Variants in SCHIP1 observed in about 807,000 individuals in gnomAD.
SCHIP1 encodes the protein schwannomin interacting protein 1.
In SCHIP1, 8 loss-of-function variants were observed where a neutral mutation model predicts 29.7. The observed-to-expected ratio is 0.27, with a 90% CI of 0.16 to 0.49. SCHIP1 has a LOEUF of 0.49. Ranked by LOEUF, SCHIP1 falls within the 20% of genes least tolerant of loss-of-function variation. The pLI is 0.99. For missense variants in SCHIP1, 193 were observed against 294.6 expected, an observed-to-expected ratio of 0.66 and a Z score of 2.52; for synonymous variants, 76 against 94.9, an observed-to-expected ratio of 0.80 and a Z score of 1.16.
the SCHIP1 span, among the ~76,000 whole-genome samples, chr3:159,806,609 T>TG: frequency 6.6e-6 from 1 of 152,194 alleles, no homozygotes; most frequent in Non-Finnish European, 1.5e-5. Flanking sequence ...CAGAGAGGAT[T>TG]TCTCAATCTG....
chr3:159,425,455 A>T, the SCHIP1 span, among the ~76,000 whole-genome samples: 7 of 152,018 alleles, frequency 4.6e-5, no homozygotes, highest in Admixed American at 6.6e-5. Flanking sequence ...AGGCCATTAC[A>T]TAATGGTAAA....
At chr3:159,751,599 C>A in the SCHIP1 span, among the ~76,000 whole-genome samples, 1 of 150,424 alleles carries the variant, frequency 6.6e-6, no homozygotes, top group South Asian at 2.1e-4. Context: ...GGCTGGAGTG[C>A]AGTGGCAGGA....
chr3:159,281,274 G>A, the SCHIP1 span, among the ~76,000 whole-genome samples: 1 of 152,248 alleles, frequency 6.6e-6, no homozygotes, highest in Middle Eastern at 3.4e-3. Context: ...GCTAGAATCT[G>A]GGGAAACATT....
the SCHIP1 span, among the ~76,000 whole-genome samples, chr3:159,426,496 T>C: frequency 6.6e-6 from 1 of 152,314 alleles, no homozygotes; most frequent in East Asian, 1.9e-4. Context: ...AGAAGTTGAA[T>C]CTCTGAATAG....
chr3:159,709,138 G>A, the SCHIP1 span, among the ~76,000 whole-genome samples: 1 of 152,128 alleles, frequency 6.6e-6, no homozygotes, highest in Non-Finnish European at 1.5e-5. Context: ...CAGCCAAAGA[G>A]ATTGGCTCAT....
the SCHIP1 span, among the ~76,000 whole-genome samples, chr3:159,832,487 G>C: frequency 6.6e-6 from 1 of 151,846 alleles, no homozygotes; most frequent in Non-Finnish European, 1.5e-5. Context: ...CTAATGCTCT[G>C]ATTTATTAAC....
the SCHIP1 span, among the ~76,000 whole-genome samples, chr3:159,498,423 T>C: frequency 6.6e-6 from 1 of 152,204 alleles, no homozygotes; most frequent in Non-Finnish European, 1.5e-5. Flanking sequence ...GCAGATTAAC[T>C]AAAAATAGTC....
the SCHIP1 span, among the ~76,000 whole-genome samples, chr3:159,377,641 G>A: frequency 6.6e-6 from 1 of 152,134 alleles, no homozygotes; most frequent in Admixed American, 6.5e-5. Context: ...TGGGGATTGT[G>A]AATCCTTTAC....
At chr3:159,759,135 C>T in the SCHIP1 span, among the ~76,000 whole-genome samples, 1 of 152,054 alleles carries the variant, frequency 6.6e-6, no homozygotes, top group Non-Finnish European at 1.5e-5. Flanking sequence ...AAAATAAAAA[C>T]ATTTAATATG....
At chr3:159,558,020 C>T in the SCHIP1 span, among the ~76,000 whole-genome samples, 81 of 152,292 alleles carry the variant, frequency 5.3e-4, no homozygotes, top group South Asian at 0.015. Context: ...ATAAATTCCC[C>T]GCCCCATTCA....
chr3:159,352,972 G>T, the SCHIP1 span, among the ~76,000 whole-genome samples: 1 of 152,078 alleles, frequency 6.6e-6, no homozygotes, highest in African/African-American at 2.4e-5. Context: ...GATGCGTTTG[G>T]GGGACAGCAA....
At chr3:159,607,667 A>G in the SCHIP1 span, among the ~76,000 whole-genome samples, 260 of 152,294 alleles carry the variant, frequency 1.7e-3, 1 homozygote, top group African/African-American at 6.0e-3. Context: ...GGAAAGAGGT[A>G]GGAAACCTAA....
the SCHIP1 span, among the ~76,000 whole-genome samples, chr3:159,435,665 T>C: frequency 6.6e-6 from 1 of 152,160 alleles, no homozygotes; most frequent in Non-Finnish European, 1.5e-5. Flanking sequence ...CATGTAAATG[T>C]AGTTCTTCAT....
At chr3:159,285,085 T>G in the SCHIP1 span, among the ~76,000 whole-genome samples, 1 of 152,174 alleles carries the variant, frequency 6.6e-6, no homozygotes, top group Admixed American at 6.5e-5. Flanking sequence ...TTTCTTATTT[T>G]GTTAAATTGA....
chr3:159,681,831 CTT>C, the SCHIP1 span, among the ~76,000 whole-genome samples: 64 of 152,216 alleles, frequency 4.2e-4, 2 homozygotes, highest in Middle Eastern at 3.4e-3. Context: ...CTTAGGTTAA[CTT>C]GGGTTAACTC....
chr3:159,447,109 C>T, the SCHIP1 span, among the ~76,000 whole-genome samples: 1 of 152,270 alleles, frequency 6.6e-6, no homozygotes, highest in Non-Finnish European at 1.5e-5. Flanking sequence ...TCCAACTAAA[C>T]ACAAGAGACC....
the SCHIP1 span, among the ~76,000 whole-genome samples, chr3:159,278,416 T>C: frequency 6.6e-6 from 1 of 152,122 alleles, no homozygotes; most frequent in African/African-American, 2.4e-5. Flanking sequence ...AGAACTGGAG[T>C]TATAATTTAT....
chr3:159,821,865 C>T, the SCHIP1 span, among the ~76,000 whole-genome samples: 2 of 152,164 alleles, frequency 1.3e-5, no homozygotes, highest in Admixed American at 1.3e-4. Flanking sequence ...TTGGACACAG[C>T]ACTGTGATAC....
the SCHIP1 span, among the ~76,000 whole-genome samples, chr3:159,414,531 AT>A: frequency 1.3e-5 from 2 of 152,118 alleles, no homozygotes; most frequent in Admixed American, 6.6e-5. Flanking sequence ...TATATTCACA[AT>A]TTTTACTGTT....
Sources: allele counts gnomAD v4.1 joint callset (sites outside exome capture counted in the v4.1 genomes callset), GRCh38; gene constraint gnomAD v4.1.1; transcripts MANE v1.5; gene names NCBI Gene and HGNC (gene_info 2026-07-23, HGNC 2026-07-21).